The following RYR2 variants were observed in gnomAD, a reference collection of about 807,000 sequenced individuals.
The protein encoded by RYR2 is cardiac muscle ryanodine receptor-calcium release channel.
RYR2 carries 227 observed loss-of-function variants against 601.1 expected under a neutral mutation model. That is an observed-to-expected ratio of 0.38 (90% CI 0.34 to 0.42). The LOEUF (loss-of-function observed/expected upper bound fraction) is 0.42. RYR2 is among the 10% of genes least tolerant of loss of function. RYR2 has a pLI of 1.00. For missense variants in RYR2, 4,646 were observed against 6,156.5 expected, an observed-to-expected ratio of 0.75 and a Z score of 8.21; for synonymous variants, 2,223 against 2,175.1, an observed-to-expected ratio of 1.02 and a Z score of -0.61.
In RYR2 at chr1:237,530,423, C is replaced by T. The variant is rs766741191; in HGVS notation, c.2823-4C>T. 19 of 1,601,410 alleles carry T rather than the reference C, an allele frequency of 1.2e-5. No individual in the cohort carries two copies. Among genetic ancestry groups the T allele is most frequent in the Non-Finnish European group, 1.5e-5 (18 of 1,173,316 alleles). On this transcript the variant is annotated splice_polypyrimidine_tract_variant and splice_region_variant and intron_variant, in intron 24 of 104. Coordinates refer to ENST00000366574, the MANE Select transcript of RYR2 (RefSeq NM_001035.3). ...TCACACTTATCTCTGGTTTTGTTTT[C>T]CAGGACTTTGTTGGCATTAGGATGT... is the stretch of plus-strand genomic sequence containing the variant.
At chr1:237,068,828 A>G (rs1252012217) in intron 1 of RYR2, among the ~76,000 whole-genome samples, 1 of 152,010 alleles carries the variant, frequency 6.6e-6, no homozygotes, top group Non-Finnish European at 1.5e-5. Context: ...CTGTTTTTAG[A>G]TCTCCCCGTA....
intron 56 of RYR2, among the ~76,000 whole-genome samples, chr1:237,664,742 G>T (rs140081105): frequency 6.6e-6 from 1 of 152,344 alleles, no homozygotes; most frequent in East Asian, 1.9e-4. Context: ...GGAGTAACCC[G>T]AGATGGTTGC....
In RYR2 at chr1:237,298,775, G is replaced by A. The variant is rs187116140; in HGVS notation, c.168+28159G>A. 1.2e-4 allele frequency among the ~76,000 whole-genome samples: 19 copies of A among 152,262 alleles called. No homozygotes were observed. The East Asian group carries it at 3.3e-3, about 26-fold the overall frequency. On this transcript the variant is annotated intron_variant, in intron 2 of 104. Transcript: ENST00000366574. ...AGCACTTTGGGGGGCTGATGCTGGAGGGTCATTTGAAGCTGGGAGTTTGAG... is the reference window on the plus strand; with the variant it reads ...AGCACTTTGGGGGGCTGATGCTGGAAGGTCATTTGAAGCTGGGAGTTTGAG...
intron 1 of RYR2, among the ~76,000 whole-genome samples, chr1:237,237,970 T>TCC: frequency 7.1e-6 from 1 of 141,170 alleles, no homozygotes; most frequent in Non-Finnish European, 1.5e-5. Context: ...TCCTTTCCTT[T>TCC]CCTTTCCTTT....
chr1:237,158,612 A>C (rs1675655273), intron 1 of RYR2, among the ~76,000 whole-genome samples: 1 of 152,074 alleles, frequency 6.6e-6, no homozygotes, highest in Non-Finnish European at 1.5e-5. Context: ...TCCCATCTTC[A>C]GCTGTAGCAT....
chr1:237,490,975 G>A (rs1459953594), intron 17 of RYR2, among the ~76,000 whole-genome samples: 1 of 152,114 alleles, frequency 6.6e-6, no homozygotes, highest in Non-Finnish European at 1.5e-5. Context: ...GGTCTAATTG[G>A]TGTGAATGGG....
At chr1:237,613,108 A>G (rs1352553588) in intron 36 of RYR2, among the ~76,000 whole-genome samples, 1 of 152,196 alleles carries the variant, frequency 6.6e-6, no homozygotes, top group Non-Finnish European at 1.5e-5. Flanking sequence ...CCAAATTCCA[A>G]AAAAGGAAGT....
intron 29 of RYR2, among the ~76,000 whole-genome samples, chr1:237,573,783 G>A (rs948561073): frequency 3.3e-5 from 5 of 151,626 alleles, no homozygotes; most frequent in African/African-American, 1.2e-4. Flanking sequence ...CCTCACTCCA[G>A]CCTGGTGACA....
At chr1:237,188,477 A>G (rs1381414661) in intron 1 of RYR2, among the ~76,000 whole-genome samples, 2 of 152,180 alleles carry the variant, frequency 1.3e-5, no homozygotes, top group African/African-American at 4.8e-5. Context: ...TGATCTAACA[A>G]TTTGGATGAT....
chr1:237,539,847 A>G (rs77538091), intron 25 of RYR2, among the ~76,000 whole-genome samples: 3,502 of 152,284 alleles, frequency 0.023, 131 homozygotes, highest in African/African-American at 0.074. Context: ...ACTTAATAAA[A>G]ATAAAATGTT....
At chr1:237,698,134 G>A (rs1327343599) in intron 63 of RYR2, among the ~76,000 whole-genome samples, 3 of 151,524 alleles carry the variant, frequency 2.0e-5, no homozygotes, top group Non-Finnish European at 4.4e-5. Flanking sequence ...GTGTGTGTGT[G>A]TGTGTGTGTG....
intron 16 of RYR2, among the ~76,000 whole-genome samples, chr1:237,465,378 A>G (rs1239234776): frequency 1.3e-5 from 2 of 152,156 alleles, no homozygotes; most frequent in African/African-American, 4.8e-5. Flanking sequence ...CTTATATAAT[A>G]TTTTTGGATT....
chr1:237,066,627 C>T (rs1363958873), intron 1 of RYR2, among the ~76,000 whole-genome samples: 2 of 145,280 alleles, frequency 1.4e-5, no homozygotes, highest in African/African-American at 5.0e-5. Context: ...TGCTTATTTG[C>T]CACCCGTGTC....
intron 84 of RYR2, among the ~76,000 whole-genome samples, chr1:237,761,310 T>A (rs1248554471): frequency 6.6e-6 from 1 of 152,126 alleles, no homozygotes. Context: ...TCAAGATCCT[T>A]TATTAGAGAA....
At chr1:237,425,735 A>C (rs1706086874) in intron 12 of RYR2, among the ~76,000 whole-genome samples, 1 of 150,978 alleles carries the variant, frequency 6.6e-6, no homozygotes, top group South Asian at 2.1e-4. Flanking sequence ...GTGTAGGCTG[A>C]GGAGGAGGAG....
intron 1 of RYR2, among the ~76,000 whole-genome samples, chr1:237,135,558 A>G: frequency 7.3e-6 from 1 of 137,340 alleles, no homozygotes; most frequent in East Asian, 2.1e-4. Context: ...TTTCATTTTT[A>G]GTAGAGATGG....
intron 80 of RYR2, among the ~76,000 whole-genome samples, chr1:237,752,271 G>T (rs952746287): frequency 6.6e-6 from 1 of 152,028 alleles, no homozygotes; most frequent in Admixed American, 6.6e-5. Flanking sequence ...CTGGCCTCAG[G>T]TGATTCTCCC....
At chr1:237,284,486 A>AT (rs1553380470) in intron 2 of RYR2, among the ~76,000 whole-genome samples, 1 of 96,952 alleles carries the variant, frequency 1.0e-5, no homozygotes, top group African/African-American at 4.8e-5. Context: ...ACATATATAT[A>AT]ATATATAAAA....
chr1:237,184,940 G>A (rs1014290243), intron 1 of RYR2, among the ~76,000 whole-genome samples: 1 of 150,782 alleles, frequency 6.6e-6, no homozygotes, highest in Admixed American at 6.6e-5. Context: ...CATGATCACA[G>A]CTCACAGCAG....
Sources: allele counts gnomAD v4.1 joint callset (sites outside exome capture counted in the v4.1 genomes callset), GRCh38; gene constraint gnomAD v4.1.1; transcripts MANE v1.5; gene names NCBI Gene and HGNC (gene_info 2026-07-23, HGNC 2026-07-21).